GGH: variants seen among roughly 807,000 people sequenced by gnomAD.
GGH encodes gamma-Glu-X carboxypeptidase.
In GGH, 18 loss-of-function variants were observed where a neutral mutation model predicts 39.2. That is an observed-to-expected ratio of 0.46 (90% CI 0.32 to 0.68). The LOEUF (loss-of-function observed/expected upper bound fraction) is 0.68. Among genes scored for constraint, GGH ranks in the 30% least tolerant of loss-of-function variants. GGH has a pLI of 0.04. For synonymous variants in GGH, 147 were observed against 138.8 expected, an observed-to-expected ratio of 1.06 and a Z score of -0.42; for missense variants, 367 against 384.1, an observed-to-expected ratio of 0.96 and a Z score of 0.37.
At chr8:63,034,730 G>A (rs941082994) in intron 2 of GGH, among the ~76,000 whole-genome samples, 3 of 152,158 alleles carry the variant, frequency 2.0e-5, no homozygotes, top group Admixed American at 1.3e-4. Context: ...CCACACTGAA[G>A]CAACCCTAAT....
At position 63,033,330 on chromosome 8, in the gene GGH, A is replaced by G. The variant is rs750327394; in HGVS notation, c.224+2326T>C. On this transcript the variant is annotated intron_variant, in intron 2 of 8. Transcript: ENST00000260118. ...ATGAGTTTGAGAAGGACTGGTATCA[A>G]TTCTGCTTTAGATGTTTGGTAGAAT... Among the ~76,000 whole-genome samples, 98 of 152,300 alleles carry G rather than the reference A, an allele frequency of 6.4e-4. 1 individual carries two copies. Among genetic ancestry groups the G allele is most frequent in the Non-Finnish European group, 6.0e-4 (41 of 68,036 alleles).
intron 7 of GGH, among the ~76,000 whole-genome samples, chr8:63,021,669 CTTTTTTTTTTT>C (rs752057959): frequency 1.1e-5 from 1 of 93,312 alleles, no homozygotes; most frequent in Non-Finnish European, 2.0e-5. Context: ...ATCTCATATC[CTTTTTTTTTTT>C]TTTTTTTTTT....
At chr8:63,021,742 C>T (rs755876597) in intron 7 of GGH, among the ~76,000 whole-genome samples, 1 of 137,976 alleles carries the variant, frequency 7.2e-6, no homozygotes, top group Admixed American at 7.9e-5. Context: ...TGTGCAATCT[C>T]AGCTCACTGA....
rs950182749 is a variant in GGH at position 63,038,120 on chromosome 8, T to G, written c.109+540A>C. Among the ~76,000 whole-genome samples, 4 of 152,268 alleles carry G rather than the reference T, an allele frequency of 2.6e-5. No homozygotes were observed. In the East Asian group the frequency reaches 7.7e-4, roughly 29 times the overall value. The stretch of plus-strand genomic sequence containing the variant: ...ACACAAATATGTTGGAAACGAAAAA[T>G]TGTGGGCTGCATTTTAACACCAAAT... On this transcript the variant is annotated intron_variant, in intron 1 of 8. Transcript: ENST00000260118.
At position 63,030,222 on chromosome 8, in the gene GGH, A is replaced by C; in HGVS notation, c.225-5T>G. 1 of 1,296,850 alleles carries C rather than the reference A, an allele frequency of 7.7e-7. No individual in the cohort carries two copies. The allele number at this position is 1,296,850 out of a possible 1,614,324, so 80.3% of individuals were successfully genotyped here. A position where few individuals can be genotyped will look rare whatever the true frequency, so the allele number is the denominator to read the frequency against. Reference sequence around the variant, plus strand: ...TCTTTCTCTGTAAGATCCAGCCTGAAAACAATAAAAGTTATTGTTACATTT... The same window carrying C: ...TCTTTCTCTGTAAGATCCAGCCTGACAACAATAAAAGTTATTGTTACATTT... On this transcript the variant is annotated splice_region_variant and splice_polypyrimidine_tract_variant and intron_variant, in intron 2 of 8. Coordinates refer to ENST00000260118, the MANE Select transcript of GGH (RefSeq NM_003878.3).
At chr8:63,034,735 C>T (rs767193585) in intron 2 of GGH, among the ~76,000 whole-genome samples, 41 of 152,064 alleles carry the variant, frequency 2.7e-4, no homozygotes, top group Non-Finnish European at 8.8e-5. Flanking sequence ...CTGAAGCAAC[C>T]CTAATGCACT....
chr8:63,021,495 T>C (rs1256381640), intron 7 of GGH, among the ~76,000 whole-genome samples: 2 of 152,180 alleles, frequency 1.3e-5, no homozygotes, highest in East Asian at 1.9e-4. Flanking sequence ...TGGGTAACAC[T>C]AGTTATCAGC....
At chr8:63,033,732 T>G (rs1804847165) in intron 2 of GGH, among the ~76,000 whole-genome samples, 1 of 152,018 alleles carries the variant, frequency 6.6e-6, no homozygotes, top group Non-Finnish European at 1.5e-5. Flanking sequence ...GTCACCCAGG[T>G]AGTGAGCACA....
At chr8:63,023,201 T>A (rs1186579630) in intron 7 of GGH, among the ~76,000 whole-genome samples, 2 of 152,170 alleles carry the variant, frequency 1.3e-5, no homozygotes, top group African/African-American at 4.8e-5. Context: ...TACTTAAGAT[T>A]TGTCCAACTT....
At chr8:63,028,985 A>T (rs1398935020) in intron 3 of GGH, among the ~76,000 whole-genome samples, 1 of 152,252 alleles carries the variant, frequency 6.6e-6, no homozygotes, top group Non-Finnish European at 1.5e-5. Context: ...CATACTGGGC[A>T]TTGTAAATGT....
At chr8:63,033,277 T>G (rs1186871441) in intron 2 of GGH, among the ~76,000 whole-genome samples, 4 of 152,230 alleles carry the variant, frequency 2.6e-5, no homozygotes, top group Admixed American at 6.5e-5. Context: ...GGTTCATTCT[T>G]GGAATTGTAC....
At chr8:63,025,208 C>T (rs1374566935) in intron 5 of GGH, 4 of 152,068 alleles carry the variant, frequency 2.6e-5, no homozygotes, top group Non-Finnish European at 5.9e-5. Context: ...TTTTGTTATG[C>T]TAATGTGGTA....
chr8:63,020,467 G>C (rs1414021973), intron 7 of GGH, among the ~76,000 whole-genome samples: 1 of 152,140 alleles, frequency 6.6e-6, no homozygotes, highest in East Asian at 1.9e-4. Flanking sequence ...TTCATCTAGA[G>C]GGATGACAGA....
In GGH at chr8:63,038,679, G is replaced by A; in HGVS notation, c.90C>T (p.Thr30=). 6.5e-7 allele frequency: 1 copy of A among 1,537,888 alleles called. No homozygotes were observed. Among genetic ancestry groups the A allele is most frequent in the South Asian group, 1.2e-5 (1 of 82,528 alleles). ...CCTTACCGATGATGGGCTTCTTGGC[G>A]GTGTCGCCGTGGGGTCTAGACAGCT... The part of the protein sequence containing the change: ...SLELSRPHGD[T]AKKPIIGILM... The change falls in exon 1 of 9, where the codon ACC becomes ACT. Residue 30 remains threonine (T), a synonymous_variant. Transcript: ENST00000260118.
intron 4 of GGH, 89 bp from the exon 5 acceptor site, chr8:63,026,385 C>A: frequency 1.1e-6 from 1 of 921,306 alleles, no homozygotes; most frequent in Non-Finnish European, 1.7e-6. Flanking sequence ...CAAATAGGCA[C>A]CTGAGTTACA....
chr8:63,018,943 T>G (rs776276020), intron 7 of GGH, among the ~76,000 whole-genome samples: 2 of 152,176 alleles, frequency 1.3e-5, no homozygotes, highest in Non-Finnish European at 2.9e-5. Flanking sequence ...TAGTAACTTG[T>G]ATGAACAGGA....
intron 7 of GGH, among the ~76,000 whole-genome samples, chr8:63,020,732 T>C (rs981026139): frequency 3.3e-5 from 5 of 152,088 alleles, no homozygotes; most frequent in African/African-American, 1.2e-4. Flanking sequence ...AAACAGGTCG[T>C]GCAGGGTACA....
chr8:63,018,839 T>C (rs982823665), intron 7 of GGH, among the ~76,000 whole-genome samples: 1 of 152,178 alleles, frequency 6.6e-6, no homozygotes, highest in African/African-American at 2.4e-5. Context: ...AAGATACATA[T>C]ATATAAGAAA....
intron 7 of GGH, among the ~76,000 whole-genome samples, chr8:63,021,617 G>C (rs976043154): frequency 6.7e-6 from 1 of 149,282 alleles, no homozygotes; most frequent in Non-Finnish European, 1.5e-5. Context: ...CAAGCCATAA[G>C]TGGACAGGAC....
Sources: allele counts gnomAD v4.1 joint callset (sites outside exome capture counted in the v4.1 genomes callset), GRCh38; gene constraint gnomAD v4.1.1; transcripts MANE v1.5; gene names NCBI Gene and HGNC (gene_info 2026-07-23, HGNC 2026-07-21).